Variants in PTPRF observed in about 807,000 individuals in gnomAD.
PTPRF encodes the protein protein tyrosine phosphatase receptor type F.
A neutral mutation model predicts 201.8 loss-of-function variants in PTPRF; 59 were observed. The ratio of observed to expected loss-of-function variants is 0.29; its 90% CI spans 0.24 to 0.36. The LOEUF (loss-of-function observed/expected upper bound fraction) is 0.36, where lower values mean the gene tolerates loss of function less well. Ranked by LOEUF, PTPRF falls within the 10% of genes least tolerant of loss-of-function variation. The pLI, the probability that PTPRF is intolerant of heterozygous loss-of-function variation, is 1.00. For missense variants in PTPRF, 2,132 were observed against 2,690.5 expected, an observed-to-expected ratio of 0.79 and a Z score of 4.59; for synonymous variants, 1,088 against 1,089.7, an observed-to-expected ratio of 1.00 and a Z score of 0.03.
intron 12 of PTPRF, 174 bp from the exon 13 acceptor site, chr1:43,598,546 C>T (rs143943643): frequency 2.2e-5 from 14 of 635,958 alleles, no homozygotes; most frequent in South Asian, 1.0e-4. Flanking sequence ...TTACCCGTGG[C>T]GGGCAGAGGG....
At chr1:43,608,371 C>G (rs1344032018) in intron 21 of PTPRF, among the ~76,000 whole-genome samples, 1 of 152,186 alleles carries the variant, frequency 6.6e-6, no homozygotes, top group African/African-American at 2.4e-5. Context: ...CACACCTCCC[C>G]CTCTACTTCT....
At chr1:43,609,657 T>C (rs1655978181) in intron 22 of PTPRF, among the ~76,000 whole-genome samples, 159 bp downstream of exon 22, 1 of 152,182 alleles carries the variant, frequency 6.6e-6, no homozygotes, top group Non-Finnish European at 1.5e-5. Flanking sequence ...CTCATCCACT[T>C]TGGTTGGAAT....
rs1033475531 is a variant in PTPRF, at chr1:43,548,912, A to G, written c.91+3746A>G. ...CATAGAAGAGCCTTGATGGTGGCCC[A>G]GTTTGACTCTCCCTGGGGCTGGACC... On this transcript the variant is annotated intron_variant, in intron 3 of 33. Transcript: ENST00000359947. Among the ~76,000 whole-genome samples the G allele has an allele frequency of 2.6e-5, 4 of 152,322 alleles. No individual in the cohort carries two copies. The South Asian group carries it at 8.3e-4, about 32-fold the overall frequency.
chr1:43,617,974 G>A (rs760686476), intron 25 of PTPRF, 63 bp downstream of exon 25: 34 of 1,506,802 alleles, frequency 2.3e-5, no homozygotes, highest in Non-Finnish European at 2.9e-5. Flanking sequence ...GTGATACAGG[G>A]CACCTTCTTC....
chr1:43,540,288 T>C (rs1420341035), intron 2 of PTPRF, among the ~76,000 whole-genome samples: 1 of 152,182 alleles, frequency 6.6e-6, no homozygotes, highest in Non-Finnish European at 1.5e-5. Context: ...GTCTACAGCC[T>C]CTTGCTGCTT....
intron 3 of PTPRF, among the ~76,000 whole-genome samples, chr1:43,548,632 C>T (rs1298191527): frequency 1.3e-5 from 2 of 152,100 alleles, no homozygotes; most frequent in African/African-American, 2.4e-5. Context: ...GTATGTATTC[C>T]CCTTATCTGA....
At chr1:43,550,863 T>C (rs1198229580) in intron 3 of PTPRF, among the ~76,000 whole-genome samples, 2 of 151,806 alleles carry the variant, frequency 1.3e-5, no homozygotes, top group African/African-American at 4.8e-5. Context: ...AGCAGAAGGA[T>C]GAATGGAAGT....
intron 13 of PTPRF, among the ~76,000 whole-genome samples, chr1:43,599,999 G>A (rs1448102990): frequency 6.6e-6 from 1 of 152,206 alleles, no homozygotes; most frequent in Non-Finnish European, 1.5e-5. Context: ...TACACACTGT[G>A]CAGAGGGGTG....
chr1:43,585,074 T>A (rs1218114128), intron 7 of PTPRF, among the ~76,000 whole-genome samples: 1 of 152,204 alleles, frequency 6.6e-6, no homozygotes, highest in Non-Finnish European at 1.5e-5. Flanking sequence ...GGAACGGTAA[T>A]ATACTGGCAT....
chr1:43,598,636 G>A, intron 12 of PTPRF, 84 bp from the exon 13 acceptor site: 3 of 1,305,048 alleles, frequency 2.3e-6, no homozygotes, highest in African/African-American at 1.5e-5. Flanking sequence ...GGGGTGCTGA[G>A]GCAGGACCCT....
At chr1:43,551,280 C>T (rs563194316) in intron 3 of PTPRF, among the ~76,000 whole-genome samples, 11 of 146,828 alleles carry the variant, frequency 7.5e-5, no homozygotes, top group East Asian at 2.1e-4. Context: ...GAAGAGTGCA[C>T]GGTATGGGGG....
intron 6 of PTPRF, among the ~76,000 whole-genome samples, chr1:43,571,221 C>A (rs1435726374): frequency 6.6e-6 from 1 of 152,188 alleles, no homozygotes; most frequent in East Asian, 1.9e-4. Flanking sequence ...ACCACACTCC[C>A]ATTTTTCCCT....
intron 6 of PTPRF, 129 bp downstream of exon 6, chr1:43,569,907 G>T (rs1646454244): frequency 1.8e-6 from 2 of 1,094,120 alleles, no homozygotes; most frequent in South Asian, 1.9e-5. Flanking sequence ...GGTGGGGTGG[G>T]CTGGGTCTTA....
At position 43,621,215 on chromosome 1, in the gene PTPRF, G is replaced by A; in HGVS notation, c.5638G>A (p.Ala1880Thr). 6.2e-7 allele frequency: 1 copy of A among 1,614,158 alleles called. No individual in the cohort carries two copies. ...TVKTLRTQRP[A>T]MVQTEDQYQL... The stretch of plus-strand genomic sequence containing the variant: ...GAAGACCCTGCGTACACAGCGTCCT[G>A]CCATGGTGCAGACAGAGGTAACGCA... The change falls in exon 33 of 34, where the codon GCC becomes ACC. Residue 1880 changes from alanine to threonine, a missense_variant. Coordinates refer to ENST00000359947, the MANE Select transcript of PTPRF (RefSeq NM_002840.5).
intron 1 of PTPRF, among the ~76,000 whole-genome samples, chr1:43,533,004 G>A (rs1188028229): frequency 1.3e-5 from 2 of 152,212 alleles, no homozygotes; most frequent in African/African-American, 4.8e-5. Flanking sequence ...CACATGCACA[G>A]TCATCCTTGT....
intron 23 of PTPRF, among the ~76,000 whole-genome samples, chr1:43,614,853 A>G (rs1657347858): frequency 1.1e-5 from 1 of 92,870 alleles, no homozygotes; most frequent in Admixed American, 9.3e-5. Flanking sequence ...CTCCCTCTCA[A>G]AAAATATAAA....
chr1:43,558,606 C>A (rs1645559381), intron 5 of PTPRF, among the ~76,000 whole-genome samples: 1 of 152,208 alleles, frequency 6.6e-6, no homozygotes, highest in Admixed American at 6.5e-5. Flanking sequence ...GCCATTAGCG[C>A]GCCAGCCTCT....
At chr1:43,598,176 A>C (rs1464618897) in intron 12 of PTPRF, 123 bp downstream of exon 12, 1 of 1,079,138 alleles carries the variant, frequency 9.3e-7, no homozygotes, top group Non-Finnish European at 1.3e-6. Flanking sequence ...GTTCAGGTGT[A>C]ATGGCCTAAA....
chr1:43,533,406 G>GC (rs1192482357), intron 1 of PTPRF, among the ~76,000 whole-genome samples: 2 of 151,832 alleles, frequency 1.3e-5, no homozygotes, highest in Non-Finnish European at 2.9e-5. Flanking sequence ...CAAAATACTA[G>GC]CCCTGGCAGT....
Sources: allele counts gnomAD v4.1 joint callset (sites outside exome capture counted in the v4.1 genomes callset), GRCh38; gene constraint gnomAD v4.1.1; transcripts MANE v1.5; gene names NCBI Gene and HGNC (gene_info 2026-07-23, HGNC 2026-07-21).